Variants in CNKSR2 observed in about 807,000 individuals in gnomAD.
CNKSR2 encodes the protein CNK homolog protein 2.
CNKSR2 carries 14 observed loss-of-function variants against 84.4 expected under a neutral mutation model. That is an observed-to-expected ratio of 0.17 (90% CI 0.11 to 0.26). The LOEUF (loss-of-function observed/expected upper bound fraction) is 0.26. CNKSR2 is among the 10% of genes least tolerant of loss of function. CNKSR2 has a pLI of 1.00. For synonymous variants in CNKSR2, 275 were observed against 277.9 expected (o/e 0.99, Z 0.10); for missense variants, 485 against 771.2 (o/e 0.63, Z 4.40).
At chrX:21,530,759 G>A (rs1201648191) in intron 10 of CNKSR2, among the ~76,000 whole-genome samples, 2 of 110,845 alleles carry the variant, frequency 1.8e-5, no homozygotes, top group Non-Finnish European at 3.8e-5. Flanking sequence ...CTGACAAAAA[G>A]TTCATAGGTA....
intron 8 of CNKSR2, chrX:21,503,991 A>G (rs183935866): frequency 1.8e-5 from 2 of 111,503 alleles, no homozygotes; most frequent in Admixed American, 1.9e-4. Flanking sequence ...AATATAATAG[A>G]GACAAGATAG....
At chrX:21,548,877 C>T (rs2092056133) in intron 11 of CNKSR2, among the ~76,000 whole-genome samples, 1 of 112,226 alleles carries the variant, frequency 8.9e-6, no homozygotes, top group Admixed American at 9.4e-5. Context: ...AGCACCCCTT[C>T]ATGCTAAAAA....
At chrX:21,551,599 A>G (rs1170013716) in intron 11 of CNKSR2, among the ~76,000 whole-genome samples, 1 of 112,059 alleles carries the variant, frequency 8.9e-6, no homozygotes, top group East Asian at 2.8e-4. Context: ...CTCTGGGTTC[A>G]GTATTGTCCC....
intron 10 of CNKSR2, among the ~76,000 whole-genome samples, chrX:21,530,460 C>T (rs2091875521): frequency 9.0e-6 from 1 of 111,107 alleles, no homozygotes; most frequent in African/African-American, 3.3e-5. Flanking sequence ...TTAGAATTCA[C>T]ATTACTTTTA....
chrX:21,638,694 A>T (rs1044130210), intron 20 of CNKSR2, among the ~76,000 whole-genome samples: 4 of 112,336 alleles, frequency 3.6e-5, no homozygotes, highest in Non-Finnish European at 7.5e-5. Context: ...TATCATAGAT[A>T]TGTTGCTCTC....
intron 18 of CNKSR2, among the ~76,000 whole-genome samples, chrX:21,603,594 A>G (rs188225790): frequency 8.9e-6 from 1 of 112,592 alleles, no homozygotes; most frequent in East Asian, 2.8e-4. Flanking sequence ...GTCTTTGATT[A>G]CAGAAGTATA....
intron 20 of CNKSR2, among the ~76,000 whole-genome samples, chrX:21,628,664 A>G (rs1158904610): frequency 9.0e-6 from 1 of 111,136 alleles, no homozygotes; most frequent in Non-Finnish European, 1.9e-5. Context: ...CCTTTTAGTT[A>G]TGGCTGGAGT....
At chrX:21,566,876 G>A (rs898137033) in intron 13 of CNKSR2, among the ~76,000 whole-genome samples, 8 of 111,453 alleles carry the variant, frequency 7.2e-5, no homozygotes, top group Non-Finnish European at 1.3e-4. Flanking sequence ...ATCCTATAAT[G>A]AAGACTTAGA....
intron 11 of CNKSR2, among the ~76,000 whole-genome samples, chrX:21,558,696 C>G (rs768207976): frequency 4.5e-5 from 5 of 110,866 alleles, no homozygotes; most frequent in African/African-American, 6.5e-5. Context: ...AGAGATGACG[C>G]AAAATATAAT....
At chrX:21,449,572 A>G (rs2090900977) in intron 4 of CNKSR2, among the ~76,000 whole-genome samples, 1 of 110,790 alleles carries the variant, frequency 9.0e-6, no homozygotes, top group Non-Finnish European at 1.9e-5. Flanking sequence ...TAGTCAAGGT[A>G]TACTAGATTA....
At chrX:21,474,857 A>T (rs1458256382) in intron 5 of CNKSR2, among the ~76,000 whole-genome samples, 7 of 112,329 alleles carry the variant, frequency 6.2e-5, no homozygotes, top group African/African-American at 2.3e-4. Flanking sequence ...GTAAAAAAGC[A>T]GTGTATTTAT....
rs371621953 is a variant in CNKSR2, at chrX:21,527,462, C to G, written c.1091+462C>G. Among the ~76,000 whole-genome samples, 23 of 110,135 alleles carry G rather than the reference C, an allele frequency of 2.1e-4. 2 individuals carry two copies. The East Asian group carries it at 2.3e-3, about 11-fold the overall frequency. On this transcript the variant is annotated intron_variant, in intron 10 of 21. Coordinates refer to ENST00000379510, the MANE Select transcript of CNKSR2 (RefSeq NM_014927.5). ...TGGTAATGATGATGAGGGAGAATGT[C>G]TTTTTCCCCTAATAATCCTGTGTCT... is the stretch of plus-strand genomic sequence containing the variant.
chrX:21,637,667 A>T (rs771798560), intron 20 of CNKSR2, among the ~76,000 whole-genome samples: 106 of 111,651 alleles, frequency 9.5e-4, no homozygotes, highest in Non-Finnish European at 1.8e-3. Context: ...TTTGGTCTGA[A>T]CATTCTGAAC....
intron 7 of CNKSR2, 46 bp downstream of exon 7, chrX:21,497,892 T>C (rs775035431): frequency 1.0e-5 from 6 of 598,950 alleles, no homozygotes; most frequent in African/African-American, 6.6e-5. Context: ...TTTTCCCTTT[T>C]ATTGCTAACA....
At chrX:21,510,218 T>C (rs1417214136) in intron 8 of CNKSR2, among the ~76,000 whole-genome samples, 1 of 111,589 alleles carries the variant, frequency 9.0e-6, no homozygotes, top group Admixed American at 9.5e-5. Flanking sequence ...CAGGAGTGTG[T>C]GTAAATGTTG....
intron 8 of CNKSR2, among the ~76,000 whole-genome samples, chrX:21,503,052 A>C (rs1569209370): frequency 9.0e-6 from 1 of 111,611 alleles, no homozygotes; most frequent in Non-Finnish European, 1.9e-5. Flanking sequence ...CCAGATGGTC[A>C]TTAAGAGGAT....
chrX:21,561,448 T>C, intron 11 of CNKSR2, 23 bp from the exon 12 acceptor site: 1 of 1,129,090 alleles, frequency 8.9e-7, no homozygotes, highest in Non-Finnish European at 1.2e-6. Flanking sequence ...CAATGTGATG[T>C]GAACTTTGTT....
chrX:21,463,402 G>T (rs1242713478), intron 4 of CNKSR2, among the ~76,000 whole-genome samples: 1 of 110,902 alleles, frequency 9.0e-6, no homozygotes, highest in Admixed American at 9.6e-5. Flanking sequence ...GATTGAGTAG[G>T]ATTGGTATTT....
intron 20 of CNKSR2, among the ~76,000 whole-genome samples, chrX:21,630,810 G>A (rs763914597): frequency 7.7e-4 from 85 of 110,784 alleles, no homozygotes; most frequent in African/African-American, 2.7e-3. Flanking sequence ...AAGCAAAAAT[G>A]TTGTTCTGAT....
Sources: allele counts gnomAD v4.1 joint callset (sites outside exome capture counted in the v4.1 genomes callset), GRCh38; gene constraint gnomAD v4.1.1; transcripts MANE v1.5; gene names NCBI Gene and HGNC (gene_info 2026-07-23, HGNC 2026-07-21).